Variants in SPOCK3 observed in about 807,000 individuals in gnomAD.
SPOCK3 encodes the protein testican-3.
A neutral mutation model predicts 56.6 loss-of-function variants in SPOCK3; 30 were observed. The observed-to-expected ratio is 0.53, with a 90% CI of 0.40 to 0.72. SPOCK3 has a LOEUF of 0.72. SPOCK3 is among the 30% of genes least tolerant of loss of function. SPOCK3 has a pLI of 0.00. For synonymous variants in SPOCK3, 196 were observed against 183.3 expected (o/e 1.07, Z -0.56); for missense variants, 527 against 530.0 (o/e 0.99, Z 0.06).
At chr4:166,879,760 A>C (rs1489464073) in intron 6 of SPOCK3, among the ~76,000 whole-genome samples, 1 of 152,148 alleles carries the variant, frequency 6.6e-6, no homozygotes, top group Non-Finnish European at 1.5e-5. Flanking sequence ...CCCAGCTCAT[A>C]TCTCTTGTTG....
intron 2 of SPOCK3, among the ~76,000 whole-genome samples, chr4:167,166,884 C>T (rs1730007901): frequency 6.6e-6 from 1 of 152,014 alleles, no homozygotes. Context: ...AGATTTTAGT[C>T]TTAAGAAAGA....
intron 2 of SPOCK3, among the ~76,000 whole-genome samples, chr4:167,158,293 C>G (rs901643003): frequency 1.3e-5 from 2 of 151,872 alleles, no homozygotes; most frequent in African/African-American, 4.8e-5. Flanking sequence ...CTCATGTCAT[C>G]ACCCCCAAGA....
chr4:167,191,389 TAAC>T (rs1732459379), intron 2 of SPOCK3, among the ~76,000 whole-genome samples: 2 of 145,766 alleles, frequency 1.4e-5, no homozygotes, highest in South Asian at 4.3e-4. Context: ...ATGGACATTT[TAAC>T]AACATTAAAA....
chr4:166,781,553 A>T (rs1740173887), intron 7 of SPOCK3, among the ~76,000 whole-genome samples: 2 of 152,158 alleles, frequency 1.3e-5, no homozygotes. Context: ...GAAGTAATTA[A>T]AATGTCAGAA....
chr4:167,008,438 T>C (rs1443127156), intron 3 of SPOCK3, among the ~76,000 whole-genome samples: 3 of 152,116 alleles, frequency 2.0e-5, no homozygotes, highest in Non-Finnish European at 4.4e-5. Flanking sequence ...CATAAAAGGC[T>C]ATGGTAGAGG....
chr4:167,119,062 T>C (rs1761654825), intron 2 of SPOCK3, among the ~76,000 whole-genome samples: 1 of 133,078 alleles, frequency 7.5e-6, no homozygotes, highest in Admixed American at 9.4e-5. Context: ...CCCAAGTACA[T>C]GAAAGGTGAA....
chr4:166,865,553 CCTT>C, intron 6 of SPOCK3, among the ~76,000 whole-genome samples: 1 of 152,230 alleles, frequency 6.6e-6, no homozygotes, highest in Non-Finnish European at 1.5e-5. Context: ...GCCAAAAACT[CCTT>C]AAACTGATAA....
intron 6 of SPOCK3, among the ~76,000 whole-genome samples, chr4:166,883,511 T>C (rs748770287): frequency 5.3e-5 from 8 of 152,216 alleles, no homozygotes; most frequent in Non-Finnish European, 7.3e-5. Flanking sequence ...TTGAATGATC[T>C]CTGACCTCAT....
At chr4:166,751,453 ATTAC>A (rs1736366550) in intron 8 of SPOCK3, among the ~76,000 whole-genome samples, 1 of 152,200 alleles carries the variant, frequency 6.6e-6, no homozygotes, top group African/African-American at 2.4e-5. Context: ...TTTATATATA[ATTAC>A]TTTGTTATTT....
chr4:167,093,157 CTTTTA>C (rs1029739058), intron 2 of SPOCK3, among the ~76,000 whole-genome samples: 2 of 152,080 alleles, frequency 1.3e-5, no homozygotes, highest in African/African-American at 4.8e-5. Context: ...CTGTTATTTA[CTTTTA>C]TTTATTGCAC....
intron 7 of SPOCK3, among the ~76,000 whole-genome samples, chr4:166,769,914 C>A (rs1360896358): frequency 6.6e-6 from 1 of 152,168 alleles, no homozygotes; most frequent in Non-Finnish European, 1.5e-5. Context: ...AGCCTTGCTG[C>A]TGTCTTGCAG....
chr4:167,144,639 AAG>A (rs1160328576), intron 2 of SPOCK3, among the ~76,000 whole-genome samples: 2 of 151,876 alleles, frequency 1.3e-5, no homozygotes, highest in African/African-American at 4.8e-5. Context: ...AAAGATAAAT[AAG>A]AGAAAAGTGG....
chr4:167,163,656 G>A (rs995238861), intron 2 of SPOCK3, among the ~76,000 whole-genome samples: 53 of 150,910 alleles, frequency 3.5e-4, no homozygotes, highest in Admixed American at 3.4e-3. Flanking sequence ...TTAATTTTAA[G>A]CTCCTACAAA....
At chr4:167,192,260 T>C (rs1196383479) in intron 2 of SPOCK3, among the ~76,000 whole-genome samples, 1 of 146,072 alleles carries the variant, frequency 6.8e-6, no homozygotes, top group African/African-American at 2.6e-5. Flanking sequence ...AATTTCCTCT[T>C]CTGGCTTTGG....
chr4:167,116,585 T>TGTATATATACGTATATACTATATAC (rs1761367291), intron 2 of SPOCK3, among the ~76,000 whole-genome samples: 1 of 113,600 alleles, frequency 8.8e-6, no homozygotes, highest in African/African-American at 3.6e-5. Context: ...TATATAGTTT[T>TGTATATATACGTATATACTATATAC]GTATATATAT....
chr4:166,925,774 C>T (rs1444082068), intron 4 of SPOCK3, among the ~76,000 whole-genome samples: 1 of 151,902 alleles, frequency 6.6e-6, no homozygotes, highest in Non-Finnish European at 1.5e-5. Context: ...AGCAAAAATA[C>T]AATTCTCAAC....
chr4:166,736,733 A>G (rs185373734), intron 10 of SPOCK3, among the ~76,000 whole-genome samples: 1 of 151,894 alleles, frequency 6.6e-6, no homozygotes, highest in Non-Finnish European at 1.5e-5. Context: ...GTGTGTGTCT[A>G]CAATGAGGTG....
chr4:166,854,303 C>T (rs753869638), intron 6 of SPOCK3, among the ~76,000 whole-genome samples: 18 of 152,158 alleles, frequency 1.2e-4, no homozygotes, highest in Non-Finnish European at 2.5e-4. Flanking sequence ...ACATGGTAAT[C>T]TGTACACAAT....
At chr4:167,171,629 G>C (rs1183645986) in intron 2 of SPOCK3, among the ~76,000 whole-genome samples, 1 of 151,968 alleles carries the variant, frequency 6.6e-6, no homozygotes, top group Non-Finnish European at 1.5e-5. Context: ...GACTTAATTA[G>C]AAGAAAATTA....
Sources: gnomAD v4.1 joint callset for allele counts (sites outside exome capture counted in the v4.1 genomes callset) on GRCh38, gnomAD v4.1.1 for gene constraint, MANE v1.5 for transcripts, NCBI Gene and HGNC (gene_info 2026-07-23, HGNC 2026-07-21) for gene names.